PARD3: variants seen among roughly 807,000 people sequenced by gnomAD.
PARD3 encodes the protein par-3 family cell polarity regulator, also known as partitioning defective 3 homolog.
In PARD3, 75 loss-of-function variants were observed where a neutral mutation model predicts 155.4. The observed-to-expected ratio is 0.48, with a 90% CI of 0.40 to 0.58. PARD3 has a LOEUF of 0.58. Among genes scored for constraint, PARD3 ranks in the 20% least tolerant of loss-of-function variants. The pLI is 0.00. For synonymous variants in PARD3, 576 were observed against 610.5 expected (o/e 0.94, Z 0.83); for missense variants, 1,642 against 1,721.7 (o/e 0.95, Z 0.82).
At chr10:34,788,797 T>G (rs1841300094) in intron 1 of PARD3, among the ~76,000 whole-genome samples, 1 of 152,038 alleles carries the variant, frequency 6.6e-6, no homozygotes, top group African/African-American at 2.4e-5. Flanking sequence ...GCCCAGCCAC[T>G]CAACAACGGC....
intron 22 of PARD3, among the ~76,000 whole-genome samples, chr10:34,204,873 T>C (rs937068330): frequency 6.6e-6 from 1 of 152,242 alleles, no homozygotes; most frequent in African/African-American, 2.4e-5. Flanking sequence ...GATGTGCTTC[T>C]CTTATACCTA....
chr10:34,261,784 A>C lies in PARD3; in HGVS notation c.3419+7873T>G, dbSNP rs199527213. Among the ~76,000 whole-genome samples, 25 of 36,902 alleles carry C rather than the reference A, an allele frequency of 6.8e-4. 1 individual carries two copies. Among genetic ancestry groups the C allele is most frequent in the Non-Finnish European group, 1.3e-3 (17 of 13,406 alleles). 24.2% of individuals were successfully genotyped at this position (36,902 alleles called of 152,430 possible). On this transcript the variant is annotated intron_variant, in intron 22 of 24. Coordinates refer to ENST00000374788, the MANE Select transcript of PARD3 (RefSeq NM_001184785.2). ...AGGAAGGAAGGAAGAAAGAAAGAAAAGAAAGAAAGAAAGAAAGAAAGAAAG... is the reference window on the plus strand; with the variant it reads ...AGGAAGGAAGGAAGAAAGAAAGAAACGAAAGAAAGAAAGAAAGAAAGAAAG...
chr10:34,761,958 T>C (rs1259844885), intron 1 of PARD3, among the ~76,000 whole-genome samples: 4 of 152,090 alleles, frequency 2.6e-5, no homozygotes, highest in Non-Finnish European at 2.9e-5. Context: ...ATATATAAAA[T>C]ATAAATACAG....
chr10:34,268,990 G>A (rs1197456293), intron 22 of PARD3, among the ~76,000 whole-genome samples: 2 of 152,016 alleles, frequency 1.3e-5, no homozygotes, highest in East Asian at 3.9e-4. Context: ...CTGAAGCTGA[G>A]GAATACCCCA....
At chr10:34,567,554 T>C (rs1400487961) in intron 2 of PARD3, among the ~76,000 whole-genome samples, 4 of 152,222 alleles carry the variant, frequency 2.6e-5, no homozygotes, top group East Asian at 3.8e-4. Context: ...ATCAAACAAG[T>C]AGTCTAGTCA....
chr10:34,725,173 G>C (rs1039239611), intron 1 of PARD3, among the ~76,000 whole-genome samples: 2 of 147,632 alleles, frequency 1.4e-5, no homozygotes, highest in Non-Finnish European at 3.0e-5. Context: ...GAGAGAGAGA[G>C]ACGGAGTCTC....
chr10:34,383,008 G>A (rs957394357), intron 8 of PARD3, 86 bp from the exon 9 acceptor site: 3 of 1,439,398 alleles, frequency 2.1e-6, no homozygotes, highest in Non-Finnish European at 2.9e-6. Context: ...TACTAATTAA[G>A]CAATAAGAAC....
At chr10:34,187,142 C>T (rs952826510) in intron 22 of PARD3, among the ~76,000 whole-genome samples, 1 of 152,086 alleles carries the variant, frequency 6.6e-6, no homozygotes, top group Non-Finnish European at 1.5e-5. Flanking sequence ...CCCAGGGGTA[C>T]ATGGGGGTAG....
chr10:34,688,456 T>C (rs1374082512), intron 2 of PARD3, among the ~76,000 whole-genome samples: 2 of 152,212 alleles, frequency 1.3e-5, no homozygotes, highest in African/African-American at 4.8e-5. Flanking sequence ...GTGGTGAAGA[T>C]AACATTAAAC....
rs189948724 is a variant in PARD3, at chr10:34,455,533, G to A, written c.583-5085C>T. 3.9e-3 allele frequency among the ~76,000 whole-genome samples: 589 copies of A among 151,696 alleles called. 10 individuals carry two copies. The highest frequency in any genetic ancestry group is 1.9e-3 in the South Asian group (9 of 4,798). ...TTTGAGACAGTCTCGCTCTGTTGCC[G>A]AGGCTGGAGCCTCGGCAACAATTTA... is the stretch of plus-strand genomic sequence containing the variant. On this transcript the variant is annotated intron_variant, in intron 4 of 24. Transcript: ENST00000374788.
chr10:34,573,223 G>C (rs2086576712), intron 2 of PARD3, among the ~76,000 whole-genome samples: 1 of 151,752 alleles, frequency 6.6e-6, no homozygotes, highest in Non-Finnish European at 1.5e-5. Context: ...AGGTGTGATG[G>C]CACATGTCTG....
At chr10:34,193,598 T>G (rs1950809850) in intron 22 of PARD3, among the ~76,000 whole-genome samples, 1 of 152,254 alleles carries the variant, frequency 6.6e-6, no homozygotes, top group Non-Finnish European at 1.5e-5. Flanking sequence ...AAGGACATAT[T>G]TGATCAATTC....
intron 5 of PARD3, among the ~76,000 whole-genome samples, chr10:34,421,482 GT>G (rs1554853407): frequency 6.7e-6 from 1 of 150,060 alleles, no homozygotes; most frequent in African/African-American, 2.4e-5. Flanking sequence ...GAGCATCCAT[GT>G]TTTTTTTTCA....
At chr10:34,414,475 G>A (rs562054126) in intron 5 of PARD3, among the ~76,000 whole-genome samples, 5 of 151,984 alleles carry the variant, frequency 3.3e-5, no homozygotes, top group Admixed American at 1.3e-4. Flanking sequence ...TCACATCCTC[G>A]GGTCAAAACC....
intron 1 of PARD3, among the ~76,000 whole-genome samples, chr10:34,713,160 C>G (rs371950458): frequency 6.6e-6 from 1 of 151,588 alleles, no homozygotes; most frequent in Non-Finnish European, 1.5e-5. Flanking sequence ...TGTGGTGAGC[C>G]GAGATTGCAC....
chr10:34,192,253 G>A (rs895458394), intron 22 of PARD3, among the ~76,000 whole-genome samples: 3 of 151,568 alleles, frequency 2.0e-5, no homozygotes, highest in Non-Finnish European at 4.4e-5. Flanking sequence ...TGTGGGTTTT[G>A]TTTGTTTGTT....
chr10:34,764,669 A>G (rs1380229962), intron 1 of PARD3, among the ~76,000 whole-genome samples: 1 of 152,026 alleles, frequency 6.6e-6, no homozygotes. Context: ...AAAAAAAAAA[A>G]TAGCTTGGTG....
intron 5 of PARD3, among the ~76,000 whole-genome samples, chr10:34,418,476 T>C (rs146909697): frequency 1.1e-4 from 16 of 152,062 alleles, no homozygotes; most frequent in East Asian, 2.0e-4. Flanking sequence ...ACCCAGCATA[T>C]ATTCTTTATT....
In PARD3 at chr10:34,570,788, G is replaced by A. The variant is rs189424612; in HGVS notation, c.223-53629C>T. ...CACATGAAGCAGCTACAAGGAAAAT[G>A]CACTGTACACTCAGGAGGGAACAGG... On this transcript the variant is annotated intron_variant, in intron 2 of 24. Transcript: ENST00000374788. Among the ~76,000 whole-genome samples, 184 of 152,300 alleles carry A rather than the reference G, an allele frequency of 1.2e-3. 1 individual carries two copies. The highest frequency in any genetic ancestry group is 4.2e-3 in the African/African-American group (176 of 41,566).
Sources: allele counts gnomAD v4.1 joint callset (sites outside exome capture counted in the v4.1 genomes callset), GRCh38; gene constraint gnomAD v4.1.1; transcripts MANE v1.5; gene names NCBI Gene and HGNC (gene_info 2026-07-23, HGNC 2026-07-21).